The following TFEC variants were observed in gnomAD, a reference collection of about 807,000 sequenced individuals.
The protein encoded by TFEC is transcription factor EC, also known as class E basic helix-loop-helix protein 34.
Under a neutral mutation model 41.6 loss-of-function variants are expected in TFEC, and 31 were observed. The ratio of observed to expected loss-of-function variants is 0.74; its 90% CI spans 0.56 to 1.01. The LOEUF is 1.01. Ranked by LOEUF, TFEC falls within the 50% of genes least tolerant of loss-of-function variation. The probability of loss-of-function intolerance (pLI) is 0.00; values close to 1 mark genes in which losing one functional copy is unlikely to be tolerated. For synonymous variants in TFEC, 143 were observed against 140.6 expected (o/e 1.02, Z -0.12); for missense variants, 402 against 404.1 (o/e 0.99, Z 0.04).
At chr7:116,130,875 G>C (rs763069161) in intron 1 of TFEC, among the ~76,000 whole-genome samples, 3 of 152,180 alleles carry the variant, frequency 2.0e-5, no homozygotes, top group Non-Finnish European at 2.9e-5. Flanking sequence ...GCCTCCCAAA[G>C]TACTGGGATT....
chr7:116,121,731 T>C (rs1798111373), intron 1 of TFEC, among the ~76,000 whole-genome samples: 1 of 152,050 alleles, frequency 6.6e-6, no homozygotes, highest in Non-Finnish European at 1.5e-5. Context: ...GACGATTATC[T>C]TTTTCAGATA....
At chr7:115,942,153 C>T in intron 6 of TFEC, 113 bp from the exon 7 acceptor site, 1 of 1,096,036 alleles carries the variant, frequency 9.1e-7, no homozygotes, top group Non-Finnish European at 1.2e-6. Context: ...CTATTATTCA[C>T]TCTTAGATAT....
chr7:116,098,223 G>A (rs1244439024), intron 3 of TFEC, among the ~76,000 whole-genome samples: 3 of 151,556 alleles, frequency 2.0e-5, no homozygotes, highest in African/African-American at 4.9e-5. Context: ...GCAGTGTCAC[G>A]ATCTCGGCTC....
At chr7:116,150,442 A>G (rs1287693119) in intron 1 of TFEC, among the ~76,000 whole-genome samples, 1 of 152,198 alleles carries the variant, frequency 6.6e-6, no homozygotes, top group Non-Finnish European at 1.5e-5. Flanking sequence ...ACAATATTGA[A>G]TACATGTATC....
chr7:116,118,600 T>C (rs924400518), intron 1 of TFEC, among the ~76,000 whole-genome samples: 1 of 151,848 alleles, frequency 6.6e-6, no homozygotes, highest in African/African-American at 2.4e-5. Context: ...ACTCTCACTA[T>C]TTTGAATGTA....
intron 5 of TFEC, among the ~76,000 whole-genome samples, chr7:115,952,076 A>G (rs1396051139): frequency 6.6e-6 from 1 of 152,116 alleles, no homozygotes; most frequent in Non-Finnish European, 1.5e-5. Context: ...ATGAACTGCT[A>G]CTAGAAACAA....
intron 3 of TFEC, among the ~76,000 whole-genome samples, chr7:116,050,646 A>G (rs1057439471): frequency 2.0e-5 from 3 of 152,120 alleles, no homozygotes; most frequent in Non-Finnish European, 2.9e-5. Flanking sequence ...GTCAAGAAAC[A>G]ACAGGTGCTG....
rs1562883594 is a variant in TFEC at position 115,950,906 on chromosome 7, C to T, written c.483G>A (p.Glu161=). The T allele has an allele frequency of 4.4e-6, 7 of 1,604,502 alleles. No homozygotes were observed. Among genetic ancestry groups the T allele is most frequent in the Non-Finnish European group, 6.0e-6 (7 of 1,174,532 alleles). Residue 161 remains glutamate (E), a synonymous_variant, in exon 6 of 8, where the codon GAG becomes GAA. Coordinates refer to ENST00000265440, the MANE Select transcript of TFEC (RefSeq NM_012252.4). ...RRYNINYRIK[E]LGTLIPKSND... is the part of the protein sequence containing the mutation. ...TAGACTTTGGAATAAGAGTGCCAAG[C>T]TCCTTGATTCGGTAATTAATATTAT... is the stretch of plus-strand genomic sequence containing the variant.
intron 1 of TFEC, among the ~76,000 whole-genome samples, chr7:116,007,229 G>GA (rs981567705): frequency 6.6e-6 from 1 of 152,010 alleles, no homozygotes; most frequent in African/African-American, 2.4e-5. Context: ...CTAGGCCATA[G>GA]AAAAAAGTCA....
At chr7:116,013,650 G>A (rs1390691979) in intron 1 of TFEC, among the ~76,000 whole-genome samples, 1 of 152,062 alleles carries the variant, frequency 6.6e-6, no homozygotes. Context: ...TATTTTGATT[G>A]TAATAGGGTA....
chr7:116,005,479 T>C (rs6979240), intron 1 of TFEC, among the ~76,000 whole-genome samples: 129,463 of 152,114 alleles, frequency 0.85, 55,236 homozygotes, highest in Non-Finnish European at 0.89. Context: ...TTGCCCCTGC[T>C]GTAGAGATTT....
chr7:116,037,307 A>T (rs1211005835), intron 3 of TFEC, among the ~76,000 whole-genome samples: 1 of 152,006 alleles, frequency 6.6e-6, no homozygotes, highest in Non-Finnish European at 1.5e-5. Flanking sequence ...TAATCTGTTA[A>T]ATCTGAAGAA....
intron 7 of TFEC, chr7:115,941,583 T>G: frequency 5.9e-6 from 2 of 338,986 alleles, no homozygotes; most frequent in Non-Finnish European, 1.1e-5. Flanking sequence ...TTATATTTTA[T>G]GCATTTTGTA....
chr7:115,984,281 T>C lies in TFEC; in HGVS notation c.161A>G (p.Asp54Gly), dbSNP rs1344965121. The change falls in exon 2 of 8, where the codon GAT (aspartate) becomes GGT (glycine). Residue 54 changes from aspartate to glycine, a missense_variant. Physicochemically the swap from Asp to Gly is moderately conservative, Grantham distance 94. Coordinates refer to ENST00000265440, the MANE Select transcript of TFEC (RefSeq NM_012252.4). Reference protein sequence around the residue: ...LTKLLAIGKEDDNAQWHMEDV... With the variant: ...LTKLLAIGKEGDNAQWHMEDV... Reference sequence around the variant, plus strand: ...ACATACATGCCATTGTGCATTGTCATCTTCTTTCCCAATAGCTAGTAACTT... The same window carrying C: ...ACATACATGCCATTGTGCATTGTCACCTTCTTTCCCAATAGCTAGTAACTT... 2 of 1,614,092 alleles carry C rather than the reference T, an allele frequency of 1.2e-6. No homozygotes were observed. The highest frequency in any genetic ancestry group is 1.7e-4 in the Middle Eastern group (1 of 6,060).
intron 2 of TFEC, among the ~76,000 whole-genome samples, chr7:115,977,113 C>G (rs1793417498): frequency 6.6e-6 from 1 of 152,044 alleles, no homozygotes; most frequent in Admixed American, 6.6e-5. Flanking sequence ...TTCACAACTT[C>G]TAAGTATCTC....
At chr7:115,950,463 TCGGGGACCTTGGAA>T (rs1791875986) in intron 6 of TFEC, among the ~76,000 whole-genome samples, 1 of 152,112 alleles carries the variant, frequency 6.6e-6, no homozygotes, top group Non-Finnish European at 1.5e-5. Context: ...TCTCCAAAAT[TCGGGGACCTTGGAA>T]AATCTAACAA....
intron 3 of TFEC, among the ~76,000 whole-genome samples, chr7:116,042,837 A>G (rs1796072704): frequency 6.6e-6 from 1 of 152,128 alleles, no homozygotes; most frequent in Admixed American, 6.5e-5. Context: ...AAACGTCAAA[A>G]TTATAAAGCT....
chr7:116,077,760 C>T (rs1262081629), intron 3 of TFEC, among the ~76,000 whole-genome samples: 1 of 151,812 alleles, frequency 6.6e-6, no homozygotes, highest in Non-Finnish European at 1.5e-5. Flanking sequence ...TAACACTGGA[C>T]CTCCAAAATT....
intron 3 of TFEC, among the ~76,000 whole-genome samples, chr7:116,047,836 G>A (rs547535508): frequency 9.2e-5 from 14 of 152,280 alleles, no homozygotes; most frequent in East Asian, 7.7e-4. Flanking sequence ...AACATTTGTC[G>A]TTCTGCAGCC....
Sources: allele counts gnomAD v4.1 joint callset (sites outside exome capture counted in the v4.1 genomes callset), GRCh38; gene constraint gnomAD v4.1.1; transcripts MANE v1.5; gene names NCBI Gene and HGNC (gene_info 2026-07-23, HGNC 2026-07-21).